The following GDPD4 variants were observed in gnomAD, a reference collection of about 807,000 sequenced individuals.
GDPD4 encodes the protein glycerophosphodiester phosphodiesterase domain containing 4, also known as glycerophosphodiester phosphodiesterase 6.
In GDPD4, 60 loss-of-function variants were observed where a neutral mutation model predicts 67.8. The observed-to-expected ratio is 0.88, with a 90% CI of 0.72 to 1.10. GDPD4 has a LOEUF of 1.10. Among genes scored for constraint, GDPD4 ranks in the 50% least tolerant of loss-of-function variants. The probability of loss-of-function intolerance (pLI) is 0.00; values close to 1 mark genes in which losing one functional copy is unlikely to be tolerated. For missense variants in GDPD4, 623 were observed against 613.9 expected, an observed-to-expected ratio of 1.01 and a Z score of -0.16; for synonymous variants, 212 against 210.9, an observed-to-expected ratio of 1.00 and a Z score of -0.04.
chr11:77,230,615 C>T (rs1958435110), intron 14 of GDPD4, among the ~76,000 whole-genome samples: 2 of 152,154 alleles, frequency 1.3e-5, no homozygotes, highest in African/African-American at 4.8e-5. Flanking sequence ...AATGAGAGAA[C>T]ATAGAACTCG....
At chr11:77,235,009 G>GTTTTTTATTTTTTTTTTTTTTTTTT (rs1958524952) in intron 13 of GDPD4, among the ~76,000 whole-genome samples, 1 of 52,254 alleles carries the variant, frequency 1.9e-5, no homozygotes, top group Non-Finnish European at 3.7e-5. Flanking sequence ...GTCAATATCT[G>GTTTTTTATTTTTTTTTTTTTTTTTT]TTTTTTTTTT....
chr11:77,268,839 G>T, intron 9 of GDPD4, 85 bp downstream of exon 9: 1 of 1,367,432 alleles, frequency 7.3e-7, no homozygotes, highest in Non-Finnish European at 1.0e-6. Context: ...TTCTCTCCAG[G>T]GGCTTCCATG....
chr11:77,261,931 A>G lies in GDPD4; in HGVS notation c.708-3389T>C, dbSNP rs373434233. ...AGGCAGTTCTGAATAATTAAATTGT[A>G]TTAGATTTCCTTTTGGCAAAACAAG... On this transcript the variant is annotated intron_variant, in intron 10 of 16. Transcript: ENST00000315938. Among the ~76,000 whole-genome samples, 61 of 152,346 alleles carry G rather than the reference A, an allele frequency of 4.0e-4. No homozygotes were observed. In the South Asian group the frequency reaches 0.012, roughly 30 times the overall value.
At position 77,235,009 on chromosome 11, in the gene GDPD4, G is replaced by GTTTTTTGTT. The variant is rs1958524952; in HGVS notation, c.1242-1838_1242-1837insAACAAAAAA. 3.6e-4 allele frequency among the ~76,000 whole-genome samples: 19 copies of GTTTTTTGTT among 52,254 alleles called. 1 individual carries two copies. Among genetic ancestry groups the GTTTTTTGTT allele is most frequent in the African/African-American group, 1.1e-3 (18 of 15,828 alleles). The allele number at this position is 52,254 out of a possible 152,430, so 34.3% of individuals were successfully genotyped here. A position where few individuals can be genotyped will look rare whatever the true frequency, so the allele number is the denominator to read the frequency against. On this transcript the variant is annotated intron_variant, in intron 13 of 16. Coordinates refer to ENST00000315938, the MANE Select transcript of GDPD4 (RefSeq NM_182833.3). ...TCTCTCTGCAACCTTGTCAATATCTGTTTTTTTTTTTTTTTTTTTTTTTTT... is the reference window on the plus strand; with the variant it reads ...TCTCTCTGCAACCTTGTCAATATCTGTTTTTTGTTTTTTTTTTTTTTTTTTTTTTTTTTT...
At chr11:77,247,825 G>A (rs752358127) in intron 11 of GDPD4, among the ~76,000 whole-genome samples, 5 of 152,126 alleles carry the variant, frequency 3.3e-5, no homozygotes, top group Non-Finnish European at 5.9e-5. Context: ...GCCGAGACGG[G>A]CGAATCACCT....
intron 4 of GDPD4, among the ~76,000 whole-genome samples, chr11:77,277,188 C>T (rs4945166): frequency 0.34 from 51,718 of 150,918 alleles, 9,125 homozygotes; most frequent in Admixed American, 0.46. Context: ...TCAGAGTTTG[C>T]CCTACAGCAC....
At position 77,276,489 on chromosome 11, in the gene GDPD4, T is replaced by C. The variant is rs557761505; in HGVS notation, c.148-269A>G. 7.2e-5 allele frequency among the ~76,000 whole-genome samples: 11 copies of C among 152,362 alleles called. 1 individual carries two copies. In the South Asian group the frequency reaches 2.3e-3, roughly 32 times the overall value. On this transcript the variant is annotated intron_variant, in intron 4 of 16. Transcript: ENST00000315938. ...CAACCTCAGGAAGAATTCTGTGTTA[T>C]CTCCTCTAAGATTTCATAACAATTA...
At chr11:77,287,695 A>G (rs569607775) in intron 1 of GDPD4, among the ~76,000 whole-genome samples, 1 of 152,180 alleles carries the variant, frequency 6.6e-6, no homozygotes, top group Non-Finnish European at 1.5e-5. Context: ...TCACCAACTA[A>G]TAAATGCTGA....
In GDPD4 at chr11:77,296,721, T is replaced by C. The variant is rs542846686; in HGVS notation, c.-254+4884A>G. Among the ~76,000 whole-genome samples the C allele has an allele frequency of 1.1e-4, 16 of 152,106 alleles. No homozygotes were observed. In the South Asian group the frequency reaches 3.3e-3, roughly 32 times the overall value. ...TTTACATTCAGTTGGTTTAGTAAAT[T>C]ACTAATTTTAGGTGTGAAAATGATG... is the stretch of plus-strand genomic sequence containing the variant. On this transcript the variant is annotated intron_variant, in intron 1 of 16. Transcript: ENST00000315938.
chr11:77,222,026 T>A (rs181436896), intron 16 of GDPD4, among the ~76,000 whole-genome samples: 2 of 152,238 alleles, frequency 1.3e-5, no homozygotes, highest in South Asian at 2.1e-4. Flanking sequence ...AAGTCTGTTT[T>A]ATCAGAGACT....
chr11:77,296,799 C>A (rs943677414), intron 1 of GDPD4, among the ~76,000 whole-genome samples: 3 of 151,508 alleles, frequency 2.0e-5, no homozygotes, highest in Non-Finnish European at 2.9e-5. Context: ...GTGGCTCATG[C>A]CTGTAGTCCT....
At chr11:77,245,837 G>A (rs1454053587) in intron 11 of GDPD4, among the ~76,000 whole-genome samples, 1 of 152,056 alleles carries the variant, frequency 6.6e-6, no homozygotes, top group Non-Finnish European at 1.5e-5. Context: ...ATGGGCTCCC[G>A]CTATTCTAGT....
chr11:77,227,237 G>A (rs1377545956), intron 16 of GDPD4, among the ~76,000 whole-genome samples: 5 of 152,088 alleles, frequency 3.3e-5, no homozygotes, highest in South Asian at 4.1e-4. Context: ...TAACCATGTC[G>A]CTTCCTTGTG....
chr11:77,301,409 CA>C (rs1387077050), intron 1 of GDPD4, among the ~76,000 whole-genome samples, 195 bp downstream of exon 1: 1 of 152,160 alleles, frequency 6.6e-6, no homozygotes, highest in Non-Finnish European at 1.5e-5. Context: ...CTAGAAAATA[CA>C]CGAAGCCGCT....
intron 3 of GDPD4, 88 bp downstream of exon 3, chr11:77,284,997 C>T: frequency 1.0e-6 from 1 of 962,926 alleles, no homozygotes; most frequent in Non-Finnish European, 1.7e-6. Context: ...TACTATATCA[C>T]CGGATCTTTT....
chr11:77,298,873 T>C (rs1020595058), intron 1 of GDPD4, among the ~76,000 whole-genome samples: 1 of 151,838 alleles, frequency 6.6e-6, no homozygotes, highest in African/African-American at 2.4e-5. Context: ...CAGAGTCAGG[T>C]TGGAAAGAAA....
At chr11:77,220,981 G>A (rs1379595126) in intron 16 of GDPD4, among the ~76,000 whole-genome samples, 2 of 152,142 alleles carry the variant, frequency 1.3e-5, no homozygotes, top group African/African-American at 4.8e-5. Context: ...TGCTGGTTTA[G>A]TCGTGGGAGG....
At position 77,268,980 on chromosome 11, in the gene GDPD4, C is replaced by G. The variant is rs1244726108; in HGVS notation, c.568G>C (p.Glu190Gln). Residue 190 changes from glutamate to glutamine, a missense_variant, in exon 9 of 17, where the codon GAG becomes CAG. Physicochemically the swap from Glu to Gln is conservative, Grantham distance 29. Transcript: ENST00000315938. ...GGCTTGGGCCCCAAATTCTCCTTCTCCTGAATGCAGGGAGAATAAATCCCC... is the reference window on the plus strand; with the variant it reads ...GGCTTGGGCCCCAAATTCTCCTTCTGCTGAATGCAGGGAGAATAAATCCCC... Reference protein sequence around the residue: ...PLGIYSPCIQEKENLGPKPTI... With the variant: ...PLGIYSPCIQQKENLGPKPTI... 10 of 1,613,948 alleles carry G rather than the reference C, an allele frequency of 6.2e-6. No individual in the cohort carries two copies. The highest frequency in any genetic ancestry group is 1.1e-5 in the South Asian group (1 of 91,074).
rs201940142 is a variant in GDPD4 at position 77,227,870 on chromosome 11, G to A, written c.1519C>T (p.Arg507Cys). Reference sequence around the variant, plus strand: ...GCTAGGCCTCTGACTTTACCTGTGCGAGTGCTGGAGGTTTCAAACAATTTT... The same window carrying A: ...GCTAGGCCTCTGACTTTACCTGTGCAAGTGCTGGAGGTTTCAAACAATTTT... The part of the protein sequence containing the change: ...KEKLFETSST[R>C]TDTQSGSKNE... The change falls in exon 16 of 17, where the codon CGC becomes TGC. Residue 507 changes from arginine to cysteine, a missense_variant. Coordinates refer to ENST00000315938, the MANE Select transcript of GDPD4 (RefSeq NM_182833.3). 630 of 1,612,446 alleles carry A rather than the reference G, an allele frequency of 3.9e-4. 1 individual carries two copies. The highest frequency in any genetic ancestry group is 4.9e-4 in the Non-Finnish European group (580 of 1,178,528).
Sources: allele counts gnomAD v4.1 joint callset (sites outside exome capture counted in the v4.1 genomes callset), GRCh38; gene constraint gnomAD v4.1.1; transcripts MANE v1.5; gene names NCBI Gene and HGNC (gene_info 2026-07-23, HGNC 2026-07-21).